Variants in RBFOX1 observed in about 807,000 individuals in gnomAD.
The protein encoded by RBFOX1 is RNA binding protein fox-1 homolog 1.
Under a neutral mutation model 57.7 loss-of-function variants are expected in RBFOX1, and 8 were observed. That is an observed-to-expected ratio of 0.14 (90% CI 0.08 to 0.25). RBFOX1 has a LOEUF of 0.25. Among genes scored for constraint, RBFOX1 ranks in the 10% least tolerant of loss-of-function variants. RBFOX1 has a pLI of 1.00. For synonymous variants in RBFOX1, 326 were observed against 222.4 expected, an observed-to-expected ratio of 1.47 and a Z score of -4.15; for missense variants, 611 against 548.5, an observed-to-expected ratio of 1.11 and a Z score of -1.14.
intron 4 of RBFOX1, among the ~76,000 whole-genome samples, chr16:7,391,632 G>A (rs1326407284): frequency 6.6e-6 from 1 of 152,114 alleles, no homozygotes. Context: ...CATCATTTCA[G>A]TTTTACAACT....
At chr16:6,938,674 T>C (rs991326507) in intron 3 of RBFOX1, among the ~76,000 whole-genome samples, 8 of 152,290 alleles carry the variant, frequency 5.3e-5, no homozygotes, top group Middle Eastern at 3.4e-3. Context: ...TTTGGTAGAA[T>C]TGGGGCTTTG....
At chr16:7,504,186 C>G (rs1436616939) in intron 4 of RBFOX1, among the ~76,000 whole-genome samples, 2 of 152,026 alleles carry the variant, frequency 1.3e-5, no homozygotes, top group African/African-American at 2.4e-5. Flanking sequence ...GTCTCAGAGC[C>G]TATTATTTAT....
chr16:5,320,973 G>A (rs2064386783), intron 1 of RBFOX1, among the ~76,000 whole-genome samples: 2 of 152,154 alleles, frequency 1.3e-5, no homozygotes, highest in African/African-American at 4.8e-5. Context: ...GCTGTCCTGG[G>A]GCTCTTCTGT....
chr16:5,669,123 C>T (rs1054650719), intron 3 of RBFOX1, among the ~76,000 whole-genome samples: 2 of 152,146 alleles, frequency 1.3e-5, no homozygotes, highest in Admixed American at 6.5e-5. Context: ...AATGTAATCT[C>T]ATGGAGCTGA....
At chr16:5,752,418 C>G (rs2053242061) in intron 3 of RBFOX1, among the ~76,000 whole-genome samples, 1 of 152,176 alleles carries the variant, frequency 6.6e-6, no homozygotes, top group Non-Finnish European at 1.5e-5. Flanking sequence ...CACATGTATC[C>G]TTTAACTTAA....
rs113063946 is a variant in RBFOX1, at chr16:7,201,215, G to A, written c.27+149117G>A. ...AAGTCTGGTATATGCACCTCTCAGG[G>A]AGAAACATCCCAAACCAAAGGAATG... On this transcript the variant is annotated intron_variant, in intron 4 of 15. Transcript: ENST00000550418. Among the ~76,000 whole-genome samples, 655 of 152,296 alleles carry A rather than the reference G, an allele frequency of 4.3e-3. 16 individuals are homozygous for A. The highest frequency in any genetic ancestry group is 0.034 in the Middle Eastern group (10 of 294).
chr16:7,593,406 A>G (rs529957882), intron 7 of RBFOX1, among the ~76,000 whole-genome samples: 19 of 152,264 alleles, frequency 1.2e-4, no homozygotes, highest in South Asian at 4.1e-4. Context: ...TTTCCAAACT[A>G]TACAGTTGGC....
intron 2 of RBFOX1, among the ~76,000 whole-genome samples, chr16:5,474,343 T>C (rs2069243525): frequency 6.6e-6 from 1 of 152,186 alleles, no homozygotes; most frequent in Non-Finnish European, 1.5e-5. Flanking sequence ...ACTTGTTCAT[T>C]AATGTGTGTT....
chr16:6,257,081 T>C (rs1408539527), intron 1 of RBFOX1, among the ~76,000 whole-genome samples: 1 of 152,172 alleles, frequency 6.6e-6, no homozygotes, highest in Non-Finnish European at 1.5e-5. Flanking sequence ...ATTTTATTTA[T>C]TGAATGATTT....
At chr16:7,335,425 T>G (rs982130616) in intron 4 of RBFOX1, among the ~76,000 whole-genome samples, 1 of 152,168 alleles carries the variant, frequency 6.6e-6, no homozygotes, top group Non-Finnish European at 1.5e-5. Context: ...GAGTTCATAG[T>G]GTCCACTTGG....
chr16:6,260,937 A>C, intron 1 of RBFOX1, among the ~76,000 whole-genome samples: 1 of 152,162 alleles, frequency 6.6e-6, no homozygotes, highest in East Asian at 1.9e-4. Context: ...AAAATGAGAT[A>C]ATGTTGCTGA....
At chr16:6,878,734 G>T (rs2062326509) in intron 3 of RBFOX1, among the ~76,000 whole-genome samples, 1 of 152,134 alleles carries the variant, frequency 6.6e-6, no homozygotes, top group African/African-American at 2.4e-5. Flanking sequence ...ATGGAAACCT[G>T]ATATATCCCA....
chr16:6,907,529 C>T (rs914158029), intron 3 of RBFOX1, among the ~76,000 whole-genome samples: 2 of 152,082 alleles, frequency 1.3e-5, no homozygotes, highest in African/African-American at 4.8e-5. Flanking sequence ...GAGAGAGAAT[C>T]GGTCCTATGC....
intron 5 of RBFOX1, among the ~76,000 whole-genome samples, chr16:7,567,228 CCTATAT>C (rs1231342790): frequency 8.6e-6 from 1 of 116,748 alleles, no homozygotes; most frequent in African/African-American, 3.0e-5. Context: ...TATATATATC[CCTATAT>C]ATATATCCAT....
chr16:5,867,370 T>G, intron 4 of RBFOX1: 1 of 1,147,412 alleles, frequency 8.7e-7, no homozygotes. Context: ...CTTTAGAAGA[T>G]AGTTTGAAGT....
chr16:7,318,512 C>A (rs917631686), intron 4 of RBFOX1, among the ~76,000 whole-genome samples: 2 of 152,140 alleles, frequency 1.3e-5, no homozygotes, highest in Non-Finnish European at 2.9e-5. Context: ...TTTAACCTTT[C>A]TTTGTTTTAA....
intron 4 of RBFOX1, among the ~76,000 whole-genome samples, chr16:7,457,711 C>T (rs1457945866): frequency 6.6e-6 from 1 of 152,068 alleles, no homozygotes; most frequent in African/African-American, 2.4e-5. Flanking sequence ...TAAGAGGGCC[C>T]TCCCCATTCC....
Position 6,888,353 on chromosome 16 carries a change from A to T in RBFOX1, c.-15-163704A>T, listed in dbSNP as rs141554094. Among the ~76,000 whole-genome samples, 835 of 152,320 alleles carry T rather than the reference A, an allele frequency of 5.5e-3. 17 individuals are homozygous for T. Among genetic ancestry groups the T allele is most frequent in the African/African-American group, 0.019 (801 of 41,574 alleles). On this transcript the variant is annotated intron_variant, in intron 3 of 15. Coordinates refer to ENST00000550418, the MANE Select transcript of RBFOX1 (RefSeq NM_018723.4). ...TACAATGAATCACTGAAGCTGTTTG[A>T]AAACTTTTTCGTTTTTTTGTGAAAA...
At chr16:6,696,737 A>T (rs1001000267) in intron 3 of RBFOX1, among the ~76,000 whole-genome samples, 2 of 152,176 alleles carry the variant, frequency 1.3e-5, no homozygotes, top group Non-Finnish European at 2.9e-5. Flanking sequence ...TAACTTACAA[A>T]ACCTTTCGAA....
Sources: gnomAD v4.1 joint callset for allele counts (sites outside exome capture counted in the v4.1 genomes callset) on GRCh38, gnomAD v4.1.1 for gene constraint, MANE v1.5 for transcripts, NCBI Gene and HGNC (gene_info 2026-07-23, HGNC 2026-07-21) for gene names.